TOX: variants seen among roughly 807,000 people sequenced by gnomAD.
TOX encodes thymocyte selection-associated high mobility group box protein TOX.
Under a neutral mutation model 53.7 loss-of-function variants are expected in TOX, and 11 were observed. That is an observed-to-expected ratio of 0.20 (90% CI 0.13 to 0.34). The LOEUF (loss-of-function observed/expected upper bound fraction) is 0.34, where lower values mean the gene tolerates loss of function less well. Among genes scored for constraint, TOX ranks in the 10% least tolerant of loss-of-function variants. The pLI, the probability that TOX is intolerant of heterozygous loss-of-function variation, is 1.00. For synonymous variants in TOX, 225 were observed against 245.3 expected (o/e 0.92, Z 0.77); for missense variants, 570 against 664.6 (o/e 0.86, Z 1.56).
At chr8:59,032,814 C>G (rs1814382690) in intron 1 of TOX, among the ~76,000 whole-genome samples, 1 of 151,864 alleles carries the variant, frequency 6.6e-6, no homozygotes, top group Non-Finnish European at 1.5e-5. Context: ...GGGTAGATCT[C>G]TTGAGGTTTC....
intron 7 of TOX, among the ~76,000 whole-genome samples, chr8:58,812,949 A>G (rs1198731923): frequency 5.3e-5 from 8 of 152,204 alleles, no homozygotes. Context: ...ACTACTTACC[A>G]TGATCAAGGC....
intron 1 of TOX, among the ~76,000 whole-genome samples, chr8:59,067,668 T>C (rs574074848): frequency 9.6e-4 from 146 of 152,154 alleles, no homozygotes; most frequent in African/African-American, 3.3e-3. Flanking sequence ...ATGGCAGAGA[T>C]AGGATATTGC....
intron 1 of TOX, among the ~76,000 whole-genome samples, chr8:59,085,769 G>A (rs908590607): frequency 6.6e-6 from 1 of 152,104 alleles, no homozygotes; most frequent in African/African-American, 2.4e-5. Context: ...TTGACTGAGT[G>A]ACTCTTATTT....
rs561160080 is a variant in TOX, at chr8:58,877,103, T to C, written c.412-25298A>G. ...GATTGCATTTACAGAATGACTTATG[T>C]CCTAGTTCCTGAGATCTCAGTTTAC... On this transcript the variant is annotated intron_variant, in intron 3 of 8. Transcript: ENST00000361421. 8.0e-4 allele frequency among the ~76,000 whole-genome samples: 122 copies of C among 152,316 alleles called. No homozygotes were observed. In the Middle Eastern group the frequency reaches 0.017, roughly 21 times the overall value.
chr8:59,087,744 C>A (rs558667197), intron 1 of TOX, among the ~76,000 whole-genome samples: 3 of 152,170 alleles, frequency 2.0e-5, no homozygotes, highest in East Asian at 1.9e-4. Flanking sequence ...AACCCACCCC[C>A]CTTTCCTCTC....
intron 1 of TOX, among the ~76,000 whole-genome samples, chr8:59,112,544 C>T (rs921761381): frequency 1.3e-5 from 2 of 152,006 alleles, no homozygotes; most frequent in African/African-American, 4.8e-5. Context: ...GGGAGACCAG[C>T]CTATCTAGTT....
At position 59,007,477 on chromosome 8, in the gene TOX, C is replaced by A. The variant is rs4738750; in HGVS notation, c.103-47469G>T. ...AGTATATCTAACTGTAAATCAAAGG[C>A]CTATTTTCAGAAAAAAAATATGAAG... On this transcript the variant is annotated intron_variant, in intron 1 of 8. Coordinates refer to ENST00000361421, the MANE Select transcript of TOX (RefSeq NM_014729.3). 3.4e-3 allele frequency among the ~76,000 whole-genome samples: 511 copies of A among 152,034 alleles called. 3 individuals carry two copies. The highest frequency in any genetic ancestry group is 0.029 in the Admixed American group (450 of 15,266).
chr8:59,100,845 T>A (rs1019357917), intron 1 of TOX, among the ~76,000 whole-genome samples: 1 of 152,192 alleles, frequency 6.6e-6, no homozygotes, highest in Non-Finnish European at 1.5e-5. Context: ...GAGTTGAGCA[T>A]GAACTCCCAT....
intron 1 of TOX, among the ~76,000 whole-genome samples, chr8:59,083,697 GA>G (rs893019420): frequency 6.6e-6 from 1 of 152,042 alleles, no homozygotes; most frequent in African/African-American, 2.4e-5. Flanking sequence ...CCCTGCTACT[GA>G]CAATAATGTA....
intron 6 of TOX, among the ~76,000 whole-genome samples, chr8:58,825,397 G>A (rs1238656239): frequency 6.6e-6 from 1 of 152,188 alleles, no homozygotes; most frequent in African/African-American, 2.4e-5. Context: ...ACAAATTGCC[G>A]TACACTGCGG....
chr8:58,850,323 A>T (rs530035260), intron 4 of TOX, among the ~76,000 whole-genome samples: 2 of 152,332 alleles, frequency 1.3e-5, no homozygotes, highest in Non-Finnish European at 1.5e-5. Flanking sequence ...GGAAGTACCC[A>T]GGTTGGCCAG....
intron 7 of TOX, among the ~76,000 whole-genome samples, chr8:58,809,164 A>G (rs1353642879): frequency 3.3e-5 from 5 of 152,268 alleles, no homozygotes; most frequent in African/African-American, 9.6e-5. Flanking sequence ...GGAAATGACC[A>G]AAAAGGCAAC....
intron 1 of TOX, among the ~76,000 whole-genome samples, chr8:59,052,368 T>C (rs1345340705): frequency 6.6e-6 from 1 of 152,188 alleles, no homozygotes; most frequent in Non-Finnish European, 1.5e-5. Context: ...CTGGAATAGA[T>C]CACTTTAATG....
chr8:59,069,932 G>A (rs1250190393), intron 1 of TOX, among the ~76,000 whole-genome samples: 1 of 152,202 alleles, frequency 6.6e-6, no homozygotes, highest in East Asian at 1.9e-4. Context: ...CGGAACAGGT[G>A]AAGACAATGT....
At chr8:59,031,537 C>T (rs1814356423) in intron 1 of TOX, among the ~76,000 whole-genome samples, 1 of 152,168 alleles carries the variant, frequency 6.6e-6, no homozygotes. Flanking sequence ...AGCTTAAATT[C>T]TAGTGGGGAG....
At chr8:59,050,225 G>A (rs576459444) in intron 1 of TOX, among the ~76,000 whole-genome samples, 5 of 152,118 alleles carry the variant, frequency 3.3e-5, no homozygotes, top group South Asian at 2.1e-4. Flanking sequence ...ATTAACACCA[G>A]TGCACAAGGA....
intron 1 of TOX, among the ~76,000 whole-genome samples, chr8:59,038,322 T>C (rs965501005): frequency 7.2e-5 from 11 of 152,178 alleles, no homozygotes; most frequent in African/African-American, 2.4e-4. Context: ...ATCAAATAAA[T>C]GCCTATACAA....
At chr8:58,837,991 A>AC in intron 5 of TOX, 90 bp downstream of exon 5, 5 of 1,261,262 alleles carry the variant, frequency 4.0e-6, no homozygotes, top group Non-Finnish European at 5.6e-6. Context: ...TCTGGGATCT[A>AC]AAGAATTTAC....
chr8:59,012,276 T>C (rs1049351234), intron 1 of TOX, among the ~76,000 whole-genome samples: 1 of 152,080 alleles, frequency 6.6e-6, no homozygotes, highest in African/African-American at 2.4e-5. Flanking sequence ...TCAGATGATA[T>C]GTTTGTAGAA....
Sources: gnomAD v4.1 joint callset for allele counts (sites outside exome capture counted in the v4.1 genomes callset) on GRCh38, gnomAD v4.1.1 for gene constraint, MANE v1.5 for transcripts, NCBI Gene and HGNC (gene_info 2026-07-23, HGNC 2026-07-21) for gene names.